The following ABCC3 variants were observed in gnomAD, a reference collection of about 807,000 sequenced individuals.
ABCC3 encodes ATP-binding cassette sub-family C member 3.
In ABCC3, 121 loss-of-function variants were observed where a neutral mutation model predicts 165.3. The ratio of observed to expected loss-of-function variants is 0.73; its 90% CI spans 0.63 to 0.85. ABCC3 has a LOEUF of 0.85. Ranked by LOEUF, ABCC3 falls within the 40% of genes least tolerant of loss-of-function variation. The pLI, the probability that ABCC3 is intolerant of heterozygous loss-of-function variation, is 0.00. For synonymous variants in ABCC3, 733 were observed against 810.1 expected (o/e 0.90, Z 1.62); for missense variants, 1,869 against 1,964.1 (o/e 0.95, Z 0.92).
chr17:50,672,893 T>C (rs1967677738), intron 17 of ABCC3, 78 bp from the exon 18 acceptor site: 1 of 1,302,424 alleles, frequency 7.7e-7, no homozygotes, highest in Non-Finnish European at 1.1e-6. Context: ...AAATCTGCCA[T>C]CCCAAATAAC....
chr17:50,661,069 A>G lies in ABCC3; in HGVS notation c.953A>G (p.Lys318Arg), dbSNP rs1270840888. ...AGCTTCCTCATCAGTGCCTGCTTCA[A>G]GCTTATCCAGGACCTGCTCTCCTTC... Reference protein sequence around the residue: ...GSSFLISACFKLIQDLLSFIN... With the variant: ...GSSFLISACFRLIQDLLSFIN... Residue 318 changes from lysine (K) to arginine (R), a missense_variant, in exon 8 of 31, where the codon AAG (lysine) becomes AGG (arginine). Physicochemically the swap from Lys to Arg is conservative, Grantham distance 26. Coordinates refer to ENST00000285238, the MANE Select transcript of ABCC3 (RefSeq NM_003786.4). 3 of 1,614,036 alleles carry G rather than the reference A, an allele frequency of 1.9e-6. No individual in the cohort carries two copies. Among genetic ancestry groups the G allele is most frequent in the African/African-American group, 1.3e-5 (1 of 74,944 alleles).
intron 11 of ABCC3, among the ~76,000 whole-genome samples, chr17:50,665,608 C>CT (rs201547164): frequency 1.8e-3 from 260 of 142,316 alleles, no homozygotes; most frequent in East Asian, 6.7e-3. Context: ...TGTTTTTTTT[C>CT]TTTTTTTTTT....
chr17:50,636,809 C>T (rs1282666708), intron 1 of ABCC3, among the ~76,000 whole-genome samples: 1 of 152,226 alleles, frequency 6.6e-6, no homozygotes, highest in Non-Finnish European at 1.5e-5. Context: ...TCTGGCTCTA[C>T]CTTAACATGG....
chr17:50,663,515 T>C (rs969171955), intron 8 of ABCC3, 166 bp from the exon 9 acceptor site: 8 of 704,848 alleles, frequency 1.1e-5, no homozygotes, highest in Middle Eastern at 4.0e-4. Flanking sequence ...GGTCGTGGTC[T>C]TGAGGCAGTA....
intron 29 of ABCC3, among the ~76,000 whole-genome samples, chr17:50,685,794 TCAG>T (rs1194686660): frequency 6.6e-6 from 1 of 152,082 alleles, no homozygotes; most frequent in Non-Finnish European, 1.5e-5. Context: ...CTGTAAAATG[TCAG>T]CTTTTCCCCT....
At chr17:50,689,303 G>A (rs1045772701) in intron 30 of ABCC3, among the ~76,000 whole-genome samples, 1 of 152,246 alleles carries the variant, frequency 6.6e-6, no homozygotes, top group Admixed American at 6.5e-5. Flanking sequence ...GATGAGGGGA[G>A]GGGCCATGCC....
At position 50,673,539 on chromosome 17, in the gene ABCC3, G is replaced by A. The variant is rs201948613; in HGVS notation, c.2480G>A (p.Gly827Glu). 2 of 1,614,066 alleles carry A rather than the reference G, an allele frequency of 1.2e-6. No individual in the cohort carries two copies. Among genetic ancestry groups the A allele is most frequent in the Non-Finnish European group, 1.7e-6 (2 of 1,180,046 alleles). The change falls in exon 19 of 31, where the codon GGA (glycine) becomes GAA (glutamate). Residue 827 changes from glycine to glutamate, a missense_variant. Physicochemically the swap from Gly to Glu is moderately conservative, Grantham distance 98. Coordinates refer to ENST00000285238, the MANE Select transcript of ABCC3 (RefSeq NM_003786.4). ...QTDFIIVLADGQVSEMGPYPA... is the reference protein window; with the variant it reads ...QTDFIIVLADEQVSEMGPYPA... Reference sequence around the variant, plus strand: ...GACTTCATCATTGTGCTAGCTGATGGACAGGTGTCTGAGATGGGCCCGTAC... The same window carrying A: ...GACTTCATCATTGTGCTAGCTGATGAACAGGTGTCTGAGATGGGCCCGTAC...
intron 1 of ABCC3, among the ~76,000 whole-genome samples, chr17:50,639,287 G>C (rs1196446925): frequency 6.6e-6 from 1 of 152,144 alleles, no homozygotes; most frequent in Non-Finnish European, 1.5e-5. Context: ...TTCTGGCTAC[G>C]GCATTTCATT....
intron 11 of ABCC3, among the ~76,000 whole-genome samples, chr17:50,665,665 G>A (rs1387740069): frequency 1.3e-5 from 2 of 151,424 alleles, no homozygotes; most frequent in Admixed American, 1.3e-4. Context: ...GAATGCAGTG[G>A]CATGATCTCG....
chr17:50,635,563 G>A (rs1289230967), intron 1 of ABCC3: 2 of 702,454 alleles, frequency 2.8e-6, no homozygotes, highest in Non-Finnish European at 2.6e-6. Context: ...CCACCACTCC[G>A]GACTCAGAAG....
chr17:50,667,056 C>T (rs915076770), intron 11 of ABCC3, among the ~76,000 whole-genome samples: 1 of 151,842 alleles, frequency 6.6e-6, no homozygotes, highest in Non-Finnish European at 1.5e-5. Flanking sequence ...CTCGTCCCTA[C>T]AAAAAAATTT....
intron 1 of ABCC3, among the ~76,000 whole-genome samples, chr17:50,637,021 C>T (rs1420172033): frequency 6.6e-6 from 1 of 152,194 alleles, no homozygotes; most frequent in Admixed American, 6.5e-5. Flanking sequence ...GCCTCTGGGC[C>T]CTCTGGCCCG....
At chr17:50,672,285 C>T (rs1044526938) in intron 17 of ABCC3, among the ~76,000 whole-genome samples, 5 of 152,186 alleles carry the variant, frequency 3.3e-5, no homozygotes, top group East Asian at 3.8e-4. Flanking sequence ...CTTTTCGTGA[C>T]GGGCTTATTT....
In ABCC3 at chr17:50,663,716, C is replaced by G; in HGVS notation, c.1034C>G (p.Pro345Arg). ...LIRFISNPMA[P>R]SWWGFLVAGL... ...AGGTTTATCTCCAACCCCATGGCCCCCTCCTGGTGGGGCTTCCTGGTGGCT... is the reference window on the plus strand; with the variant it reads ...AGGTTTATCTCCAACCCCATGGCCCGCTCCTGGTGGGGCTTCCTGGTGGCT... The change falls in exon 9 of 31, where the codon CCC (proline) becomes CGC (arginine). Residue 345 changes from proline to arginine, a missense_variant. Coordinates refer to ENST00000285238, the MANE Select transcript of ABCC3 (RefSeq NM_003786.4). 4 of 1,614,238 alleles carry G rather than the reference C, an allele frequency of 2.5e-6. No individual in the cohort carries two copies. Among genetic ancestry groups the G allele is most frequent in the Non-Finnish European group, 3.4e-6 (4 of 1,180,054 alleles).
chr17:50,667,333 T>C (rs1275404721), intron 11 of ABCC3, among the ~76,000 whole-genome samples: 2 of 151,986 alleles, frequency 1.3e-5, no homozygotes, highest in Non-Finnish European at 2.9e-5. Flanking sequence ...GCAGTGGCAC[T>C]GAGGGTGGAG....
intron 4 of ABCC3, among the ~76,000 whole-genome samples, 178 bp from the exon 5 acceptor site, chr17:50,657,904 C>G (rs147920386): frequency 4.5e-4 from 69 of 152,344 alleles, no homozygotes; most frequent in African/African-American, 1.6e-3. Context: ...CCTCGCTGAA[C>G]CAGAGCTCCC....
At chr17:50,673,995 T>TTC (rs1967734969) in intron 19 of ABCC3, among the ~76,000 whole-genome samples, 2 of 9,124 alleles carry the variant, frequency 2.2e-4, no homozygotes, top group Admixed American at 1.3e-3. Flanking sequence ...TCTCTCTCTC[T>TTC]CTCTCTCTCT....
rs2066763 is a variant in ABCC3, at chr17:50,669,320, C to A, written c.2065-32C>A. On this transcript the variant is annotated intron_variant, in intron 16 of 30. Transcript: ENST00000285238. The stretch of plus-strand genomic sequence containing the variant: ...GTGTGGGGCTCAGCCAGGCCTTGGG[C>A]AAGCCCCGAGGTAAATTTCTCCTGT... 315 of 1,614,174 alleles carry A rather than the reference C, an allele frequency of 2.0e-4. 2 individuals are homozygous for A. In the African/African-American group the frequency reaches 3.8e-3, roughly 19 times the overall value.
In ABCC3 at chr17:50,687,684, G is replaced by T; in HGVS notation, c.4429G>T (p.Val1477Phe). ...TIRTQFDTCT[V>F]LTIAHRLNTI... Reference sequence around the variant, plus strand: ...CCGCACCCAGTTTGATACCTGCACTGTCCTGACCATCGCACACCGGCTTAA... The same window carrying T: ...CCGCACCCAGTTTGATACCTGCACTTTCCTGACCATCGCACACCGGCTTAA... The change falls in exon 30 of 31, where the codon GTC (valine) becomes TTC (phenylalanine). Residue 1477 changes from valine (V) to phenylalanine (F), a missense_variant. Transcript: ENST00000285238. The T allele has an allele frequency of 6.2e-7, 1 of 1,614,262 alleles. No homozygotes were observed. The highest frequency in any genetic ancestry group is 8.5e-7 in the Non-Finnish European group (1 of 1,180,048).
Sources: gnomAD v4.1 joint callset for allele counts (sites outside exome capture counted in the v4.1 genomes callset) on GRCh38, gnomAD v4.1.1 for gene constraint, MANE v1.5 for transcripts, NCBI Gene and HGNC (gene_info 2026-07-23, HGNC 2026-07-21) for gene names.